ANGPT1: variants seen among roughly 807,000 people sequenced by gnomAD.
The protein encoded by ANGPT1 is angiopoietin 1, also known as angiopoietin-1.
Under a neutral mutation model 62.2 loss-of-function variants are expected in ANGPT1, and 17 were observed. That is an observed-to-expected ratio of 0.27 (90% CI 0.19 to 0.41). The LOEUF is 0.41. Ranked by LOEUF, ANGPT1 falls within the 10% of genes least tolerant of loss-of-function variation. The pLI is 1.00. For synonymous variants in ANGPT1, 199 were observed against 198.9 expected (o/e 1.00, Z 0.00); for missense variants, 478 against 594.9 (o/e 0.80, Z 2.04).
intron 1 of ANGPT1, among the ~76,000 whole-genome samples, chr8:107,416,457 T>G (rs1469932292): frequency 2.6e-5 from 4 of 152,180 alleles, no homozygotes; most frequent in Non-Finnish European, 4.4e-5. Context: ...TCTGGGGTGT[T>G]GGGATGCCCC....
At chr8:107,343,908 G>C (rs1815748399) in intron 2 of ANGPT1, among the ~76,000 whole-genome samples, 1 of 151,932 alleles carries the variant, frequency 6.6e-6, no homozygotes, top group Admixed American at 6.6e-5. Context: ...CAAAAAATAA[G>C]GAAGTTAGCT....
At chr8:107,311,761 A>C (rs907872888) in intron 4 of ANGPT1, among the ~76,000 whole-genome samples, 3 of 152,154 alleles carry the variant, frequency 2.0e-5, no homozygotes, top group African/African-American at 7.2e-5. Context: ...TTACTACCTA[A>C]AGTAATCAAG....
chr8:107,367,616 C>A (rs1217713958), intron 1 of ANGPT1, among the ~76,000 whole-genome samples: 1 of 152,152 alleles, frequency 6.6e-6, no homozygotes, highest in Non-Finnish European at 1.5e-5. Context: ...AGTATTGTAA[C>A]CACAGTAGAA....
intron 1 of ANGPT1, among the ~76,000 whole-genome samples, chr8:107,419,820 C>G (rs1199052343): frequency 1.3e-5 from 2 of 152,094 alleles, no homozygotes; most frequent in Non-Finnish European, 2.9e-5. Context: ...GATCAGATAT[C>G]TAGGTTTGAC....
chr8:107,432,244 A>G (rs1386126344), intron 1 of ANGPT1, among the ~76,000 whole-genome samples: 1 of 151,888 alleles, frequency 6.6e-6, no homozygotes, highest in Non-Finnish European at 1.5e-5. Context: ...TATCCCAAAT[A>G]AATTATTTTG....
chr8:107,337,702 A>C (rs934841601), intron 2 of ANGPT1, among the ~76,000 whole-genome samples: 2 of 152,198 alleles, frequency 1.3e-5, no homozygotes, highest in African/African-American at 4.8e-5. Context: ...ATATCAATGT[A>C]AAGTTCCTCT....
intron 1 of ANGPT1, among the ~76,000 whole-genome samples, chr8:107,401,152 A>T (rs1189397062): frequency 6.6e-6 from 1 of 152,204 alleles, no homozygotes; most frequent in Admixed American, 6.5e-5. Context: ...CAAGAACCAC[A>T]TAAAATATTC....
Position 107,257,879 on chromosome 8 carries a change from T to TTG in ANGPT1, c.1337-5865_1337-5864insCA, listed in dbSNP as rs1563537215. Among the ~76,000 whole-genome samples, 105 of 68,670 alleles carry TTG rather than the reference T, an allele frequency of 1.5e-3. 1 individual carries two copies. Among genetic ancestry groups the TTG allele is most frequent in the Middle Eastern group, 9.6e-3 (1 of 104 alleles). The allele number at this position is 68,670 out of a possible 152,430, so 45.1% of individuals were successfully genotyped here. ...TTCAGGCCAAGGACTTGTTTTTGTT[T>TTG]CTTTTTTGTTTGTTTGTTTGTTTGT... On this transcript the variant is annotated intron_variant, in intron 8 of 8. Transcript: ENST00000517746.
chr8:107,322,067 T>G lies in ANGPT1; in HGVS notation c.637A>C (p.Lys213Gln), dbSNP rs954405827. ...CCTTGAAGGTTCTCTTTCTCTTCCT[T>G]TAAGGTGTCCAACTCTTCCTTGTGT... ...GKHKEELDTL[K>Q]EEKENLQGLV... Residue 213 changes from lysine (K) to glutamine (Q), a missense_variant, in exon 4 of 9, where the codon AAG becomes CAG. This residue lies in a region of ANGPT1 where 343 missense variants were observed against 355.4 expected (regional missense o/e 0.97). Coordinates refer to ENST00000517746, the MANE Select transcript of ANGPT1 (RefSeq NM_001146.5). 6.2e-7 allele frequency: 1 copy of G among 1,614,004 alleles called. No homozygotes were observed. Among genetic ancestry groups the G allele is most frequent in the African/African-American group, 1.3e-5 (1 of 75,050 alleles).
chr8:107,365,330 A>G (rs1203576105), intron 1 of ANGPT1, among the ~76,000 whole-genome samples: 6 of 152,190 alleles, frequency 3.9e-5, no homozygotes, highest in African/African-American at 1.4e-4. Context: ...CTCCCCCATG[A>G]GAAGTAGTGC....
intron 1 of ANGPT1, among the ~76,000 whole-genome samples, chr8:107,416,848 G>A (rs1333765089): frequency 6.7e-6 from 1 of 148,704 alleles, no homozygotes; most frequent in Non-Finnish European, 1.5e-5. Context: ...CTGGAGTGCA[G>A]TGGTGTGGTC....
intron 6 of ANGPT1, among the ~76,000 whole-genome samples, chr8:107,285,835 A>C (rs1342568689): frequency 6.6e-6 from 1 of 151,916 alleles, no homozygotes. Flanking sequence ...TATTTGTTTC[A>C]CTGGCCATGT....
chr8:107,341,098 A>G (rs1219466298), intron 2 of ANGPT1, among the ~76,000 whole-genome samples: 1 of 152,212 alleles, frequency 6.6e-6, no homozygotes, highest in Non-Finnish European at 1.5e-5. Flanking sequence ...ATGCAGTGAT[A>G]TGGAGGTTAT....
chr8:107,417,593 T>G (rs1810787788), intron 1 of ANGPT1, among the ~76,000 whole-genome samples: 1 of 152,172 alleles, frequency 6.6e-6, no homozygotes, highest in African/African-American at 2.4e-5. Flanking sequence ...CTGTCTACAT[T>G]TAAATGTTAC....
intron 1 of ANGPT1, among the ~76,000 whole-genome samples, chr8:107,416,264 A>T (rs796267162): frequency 3.3e-5 from 5 of 152,306 alleles, no homozygotes; most frequent in African/African-American, 1.2e-4. Flanking sequence ...TTCAAGTTGG[A>T]GTTCCCATGA....
At chr8:107,299,869 T>C (rs574351238) in intron 5 of ANGPT1, among the ~76,000 whole-genome samples, 3 of 107,960 alleles carry the variant, frequency 2.8e-5, no homozygotes, top group Admixed American at 1.0e-4. Context: ...TATGTAGTTA[T>C]ATCTAGATAT....
At chr8:107,354,826 A>G (rs1200311686) in intron 1 of ANGPT1, among the ~76,000 whole-genome samples, 3 of 151,896 alleles carry the variant, frequency 2.0e-5, no homozygotes, top group Non-Finnish European at 2.9e-5. Context: ...CGGCACCATT[A>G]CCACCTATCT....
chr8:107,431,897 C>A (rs1004467232), intron 1 of ANGPT1, among the ~76,000 whole-genome samples: 5 of 152,100 alleles, frequency 3.3e-5, no homozygotes, highest in African/African-American at 1.2e-4. Flanking sequence ...TACCTTATAA[C>A]AAACTTACAT....
intron 1 of ANGPT1, among the ~76,000 whole-genome samples, chr8:107,453,458 A>G (rs1402837316): frequency 1.3e-5 from 2 of 151,958 alleles, no homozygotes; most frequent in Non-Finnish European, 2.9e-5. Flanking sequence ...GGATGGCAGC[A>G]GGCAAAGAGA....
Sources: allele counts gnomAD v4.1 joint callset (sites outside exome capture counted in the v4.1 genomes callset), GRCh38; gene constraint gnomAD v4.1.1; regional missense constraint gnomAD v4.1.1; transcripts MANE v1.5; gene names NCBI Gene and HGNC (gene_info 2026-07-23, HGNC 2026-07-21).